The following PACSIN2 variants were observed in gnomAD, a reference collection of about 807,000 sequenced individuals.
PACSIN2 encodes protein kinase C and casein kinase substrate in neurons 2.
Under a neutral mutation model 63.8 loss-of-function variants are expected in PACSIN2, and 25 were observed. The observed-to-expected ratio is 0.39, with a 90% CI of 0.29 to 0.55. The LOEUF (loss-of-function observed/expected upper bound fraction) is 0.55. Among genes scored for constraint, PACSIN2 ranks in the 20% least tolerant of loss-of-function variants. The probability of loss-of-function intolerance (pLI) is 0.62; values close to 1 mark genes in which losing one functional copy is unlikely to be tolerated. For synonymous variants in PACSIN2, 255 were observed against 256.2 expected, an observed-to-expected ratio of 1.00 and a Z score of 0.05; for missense variants, 518 against 646.9, an observed-to-expected ratio of 0.80 and a Z score of 2.16.
chr22:42,940,985 T>A (rs1458532257), intron 1 of PACSIN2, among the ~76,000 whole-genome samples: 1 of 152,138 alleles, frequency 6.6e-6, no homozygotes, highest in Admixed American at 6.5e-5. Context: ...ATCATGACAA[T>A]CATTTTAGAA....
At chr22:43,005,620 G>A (rs1037676256) in intron 1 of PACSIN2, among the ~76,000 whole-genome samples, 5 of 152,172 alleles carry the variant, frequency 3.3e-5, no homozygotes, top group Admixed American at 2.0e-4. Context: ...AAAAGTTCTG[G>A]AAGGATTTTT....
At chr22:42,888,400 G>A (rs1327988992) in intron 5 of PACSIN2, among the ~76,000 whole-genome samples, 2 of 152,200 alleles carry the variant, frequency 1.3e-5, no homozygotes, top group East Asian at 1.9e-4. Flanking sequence ...ACCAAGAGCT[G>A]TCTCTTACCC....
intron 1 of PACSIN2, among the ~76,000 whole-genome samples, chr22:42,962,783 G>GGGGGC (rs1920927367): frequency 2.2e-5 from 3 of 135,126 alleles, no homozygotes; most frequent in Admixed American, 7.2e-5. Context: ...GGCGGGGGGG[G>GGGGGC]GGGGCGGCGC....
chr22:42,900,764 G>A (rs1017017881), intron 2 of PACSIN2, among the ~76,000 whole-genome samples: 3 of 152,158 alleles, frequency 2.0e-5, no homozygotes, highest in Non-Finnish European at 2.9e-5. Context: ...ATGAGCCACC[G>A]CACCCGACCT....
intron 1 of PACSIN2, among the ~76,000 whole-genome samples, chr22:42,934,267 A>T (rs1932844123): frequency 6.6e-6 from 1 of 152,260 alleles, no homozygotes; most frequent in African/African-American, 2.4e-5. Flanking sequence ...GAGTATGCTC[A>T]ACTGTGTGCC....
intron 1 of PACSIN2, among the ~76,000 whole-genome samples, chr22:43,008,573 A>G (rs1924249852): frequency 6.6e-6 from 1 of 152,210 alleles, no homozygotes; most frequent in African/African-American, 2.4e-5. Context: ...TTTTACATAT[A>G]TGAGCTCTTT....
At chr22:42,983,435 A>G (rs1235765639) in intron 1 of PACSIN2, among the ~76,000 whole-genome samples, 1 of 144,512 alleles carries the variant, frequency 6.9e-6, no homozygotes. Context: ...GGTTGCAGTG[A>G]GCCGAGATTG....
chr22:42,970,967 C>G (rs905923314), intron 1 of PACSIN2, among the ~76,000 whole-genome samples: 5 of 152,182 alleles, frequency 3.3e-5, no homozygotes, highest in African/African-American at 1.2e-4. Flanking sequence ...CTCTCCACAG[C>G]CCTCTCTGCT....
At chr22:42,943,360 C>G (rs560587239) in intron 1 of PACSIN2, among the ~76,000 whole-genome samples, 2 of 152,116 alleles carry the variant, frequency 1.3e-5, no homozygotes, top group Admixed American at 6.5e-5. Context: ...CTTTTCCTTT[C>G]CAATCTGTAT....
At chr22:42,923,055 C>T (rs751731548) in intron 1 of PACSIN2, among the ~76,000 whole-genome samples, 6 of 152,126 alleles carry the variant, frequency 3.9e-5, no homozygotes, top group African/African-American at 1.2e-4. Context: ...CCCAACAAAG[C>T]GGAAGCTCAC....
chr22:42,893,532 G>A lies in PACSIN2; in HGVS notation c.142C>T (p.Arg48Trp), dbSNP rs759820703. Residue 48 changes from arginine to tryptophan, a missense_variant, in exon 3 of 11, where the codon CGG becomes TGG. Arg to Trp is a moderately radical substitution (Grantham distance 101, BLOSUM62 -3). Around this residue, in one of 2 missense-constraint regions of PACSIN2, gnomAD observed 507 missense variants for 612.3 expected, o/e 0.83. Coordinates refer to ENST00000263246, the MANE Select transcript of PACSIN2 (RefSeq NM_001184970.3). Reference protein sequence around the residue: ...CSDLMNCLHERARIEKAYAQQ... With the variant: ...CSDLMNCLHEWARIEKAYAQQ... ...GCATACGCCTTCTCGATGCGCGCCC[G>A]CTCATGCAGGCAGTTCATGAGGTCG... The A allele has an allele frequency of 3.1e-6, 5 of 1,614,092 alleles. No homozygotes were observed. Among genetic ancestry groups the A allele is most frequent in the East Asian group, 2.2e-5 (1 of 44,880 alleles).
intron 1 of PACSIN2, among the ~76,000 whole-genome samples, chr22:42,945,079 C>T (rs1271977636): frequency 1.4e-5 from 2 of 138,690 alleles, no homozygotes; most frequent in Admixed American, 1.5e-4. Context: ...GCCTGGACGA[C>T]AGGGCAAGAC....
chr22:42,956,896 A>C (rs2146841191), intron 1 of PACSIN2, among the ~76,000 whole-genome samples: 1 of 152,356 alleles, frequency 6.6e-6, no homozygotes. Context: ...GGAGGGAAGC[A>C]TATCAAATGT....
chr22:42,964,650 C>G (rs1490397195), intron 1 of PACSIN2, among the ~76,000 whole-genome samples: 1 of 152,038 alleles, frequency 6.6e-6, no homozygotes, highest in African/African-American at 2.4e-5. Flanking sequence ...CTCTACAGTT[C>G]CTATGTACCT....
At chr22:42,940,718 A>C (rs1933119641) in intron 1 of PACSIN2, among the ~76,000 whole-genome samples, 1 of 152,172 alleles carries the variant, frequency 6.6e-6, no homozygotes. Flanking sequence ...TTTGTGTTTA[A>C]TCCCGGAAGT....
rs1555943704 is a variant in PACSIN2, at chr22:42,982,888, A to AC, written c.-78+32132_-78+32133insG. 3.6e-4 allele frequency among the ~76,000 whole-genome samples: 38 copies of AC among 105,222 alleles called. 2 individuals are homozygous for AC. The highest frequency in any genetic ancestry group is 1.1e-3 in the South Asian group (3 of 2,850). 69.0% of individuals were successfully genotyped at this position (105,222 alleles called of 152,430 possible). On this transcript the variant is annotated intron_variant, in intron 1 of 10. Coordinates refer to ENST00000263246, the MANE Select transcript of PACSIN2 (RefSeq NM_001184970.3). ...GATCAATAAAAAAAAAAAAAAAAAA[A>AC]AACAACAACAAGGCTAGGAGCAGTG...
chr22:43,003,299 T>C (rs1034670284), intron 1 of PACSIN2, among the ~76,000 whole-genome samples: 1 of 152,122 alleles, frequency 6.6e-6, no homozygotes, highest in African/African-American at 2.4e-5. Context: ...AAAGTGATGA[T>C]TATCCCAAGC....
intron 1 of PACSIN2, among the ~76,000 whole-genome samples, chr22:43,012,798 A>T (rs116960747): frequency 4.7e-4 from 72 of 152,156 alleles, no homozygotes; most frequent in Non-Finnish European, 8.5e-4. Context: ...GATTACAGGT[A>T]TGAGCACCAC....
Position 42,903,502 on chromosome 22 carries a change from G to A in PACSIN2, c.60+8519C>T, listed in dbSNP as rs552116281. 5.9e-5 allele frequency among the ~76,000 whole-genome samples: 9 copies of A among 152,270 alleles called. No homozygotes were observed. The South Asian group carries it at 1.9e-3, about 32-fold the overall frequency. Reference sequence around the variant, plus strand: ...GTGCCTTGCTTTCAGGTGCCAAACTGCAATTTCCACATCCTCATTTCTATG... The same window carrying A: ...GTGCCTTGCTTTCAGGTGCCAAACTACAATTTCCACATCCTCATTTCTATG... On this transcript the variant is annotated intron_variant, in intron 2 of 10. Transcript: ENST00000263246.
Sources: gnomAD v4.1 joint callset for allele counts (sites outside exome capture counted in the v4.1 genomes callset) on GRCh38, gnomAD v4.1.1 for gene constraint, gnomAD v4.1.1 regional missense constraint, MANE v1.5 for transcripts, NCBI Gene and HGNC (gene_info 2026-07-23, HGNC 2026-07-21) for gene names.